Variants in MCTP1 observed in about 807,000 individuals in gnomAD.
MCTP1 encodes the protein multiple C2 and transmembrane domain containing 1.
A neutral mutation model predicts 120.6 loss-of-function variants in MCTP1; 69 were observed. The observed-to-expected ratio is 0.57, with a 90% CI of 0.47 to 0.70. The LOEUF (loss-of-function observed/expected upper bound fraction) is 0.70. Among genes scored for constraint, MCTP1 ranks in the 30% least tolerant of loss-of-function variants. The pLI, the probability that MCTP1 is intolerant of heterozygous loss-of-function variation, is 0.00. For synonymous variants in MCTP1, 529 were observed against 493.1 expected (o/e 1.07, Z -0.96); for missense variants, 1,203 against 1,248.8 (o/e 0.96, Z 0.55).
At chr5:94,914,465 A>G (rs1425409709) in intron 8 of MCTP1, among the ~76,000 whole-genome samples, 1 of 152,268 alleles carries the variant, frequency 6.6e-6, no homozygotes, top group African/African-American at 2.4e-5. Context: ...TAGGAAAATG[A>G]AAACTACATT....
intron 1 of MCTP1, among the ~76,000 whole-genome samples, chr5:95,040,460 AAG>A (rs1364302157): frequency 1.3e-5 from 2 of 151,988 alleles, no homozygotes; most frequent in African/African-American, 4.8e-5. Flanking sequence ...AAAAAAAAGA[AAG>A]AAATTTTAAA....
chr5:94,781,132 A>ATT (rs35398709), intron 18 of MCTP1, among the ~76,000 whole-genome samples: 15 of 147,306 alleles, frequency 1.0e-4, no homozygotes, highest in African/African-American at 3.5e-4. Context: ...TAAATGAAGT[A>ATT]TTTTTTTTTT....
chr5:95,152,350 C>A (rs1420580351), intron 1 of MCTP1, among the ~76,000 whole-genome samples: 1 of 152,214 alleles, frequency 6.6e-6, no homozygotes, highest in Non-Finnish European at 1.5e-5. Context: ...GCACGTCAGA[C>A]TGAAATTCAA....
chr5:95,158,234 A>G (rs34637857), intron 1 of MCTP1, among the ~76,000 whole-genome samples: 19,395 of 152,202 alleles, frequency 0.13, 1,580 homozygotes, highest in Non-Finnish European at 0.19. Context: ...AACACATTCC[A>G]CTGGCATTTT....
chr5:94,827,859 A>G (rs919043755), intron 17 of MCTP1, among the ~76,000 whole-genome samples: 1 of 151,770 alleles, frequency 6.6e-6, no homozygotes, highest in African/African-American at 2.4e-5. Context: ...CTAGTTAGCA[A>G]TTCCTCTAAC....
In MCTP1 at chr5:95,163,105, T is replaced by G. The variant is rs551698141; in HGVS notation, c.720+120751A>C. Among the ~76,000 whole-genome samples, 11 of 152,322 alleles carry G rather than the reference T, an allele frequency of 7.2e-5. No homozygotes were observed. In the East Asian group the frequency reaches 9.6e-4, roughly 13 times the overall value. ...ATGAATTTATCCAAAATACATGCTTTTGATTATTAACATACCCAAACTATC... is the reference window on the plus strand; with the variant it reads ...ATGAATTTATCCAAAATACATGCTTGTGATTATTAACATACCCAAACTATC... On this transcript the variant is annotated intron_variant, in intron 1 of 22. Transcript: ENST00000515393.
intron 19 of MCTP1, among the ~76,000 whole-genome samples, chr5:94,722,201 C>T (rs1311766437): frequency 6.6e-6 from 1 of 152,288 alleles, no homozygotes; most frequent in African/African-American, 2.4e-5. Flanking sequence ...CTTACATATT[C>T]GAAGAATCCT....
intron 7 of MCTP1, among the ~76,000 whole-genome samples, chr5:94,923,134 A>G (rs1405504879): frequency 6.6e-6 from 1 of 152,168 alleles, no homozygotes; most frequent in Non-Finnish European, 1.5e-5. Context: ...CACTACAACA[A>G]ATATTAAAAT....
chr5:94,895,866 A>T (rs959657572), intron 10 of MCTP1, among the ~76,000 whole-genome samples: 4 of 152,192 alleles, frequency 2.6e-5, no homozygotes, highest in Non-Finnish European at 4.4e-5. Flanking sequence ...GATGTCTGGG[A>T]CTAGACACGA....
At chr5:94,800,938 A>T (rs1200003697) in intron 17 of MCTP1, among the ~76,000 whole-genome samples, 2 of 151,866 alleles carry the variant, frequency 1.3e-5, no homozygotes, top group Non-Finnish European at 2.9e-5. Flanking sequence ...CCAGAAAAAG[A>T]AAAATATTTT....
At chr5:94,768,782 G>T (rs1381067947) in intron 19 of MCTP1, among the ~76,000 whole-genome samples, 2 of 152,154 alleles carry the variant, frequency 1.3e-5, no homozygotes, top group Non-Finnish European at 2.9e-5. Context: ...GTGCATAATT[G>T]GTGGGAATGT....
intron 2 of MCTP1, among the ~76,000 whole-genome samples, chr5:94,955,404 C>T (rs1257020675): frequency 6.6e-6 from 1 of 152,158 alleles, no homozygotes; most frequent in Non-Finnish European, 1.5e-5. Context: ...ACCTGGAATG[C>T]CAGTGAAACA....
chr5:95,047,372 A>T (rs901235929), intron 1 of MCTP1, among the ~76,000 whole-genome samples: 1 of 152,070 alleles, frequency 6.6e-6, no homozygotes, highest in Non-Finnish European at 1.5e-5. Context: ...AATGTTTCTC[A>T]TGGCCAATTT....
intron 1 of MCTP1, chr5:95,038,196 T>C (rs150838089): frequency 2.7e-6 from 2 of 742,266 alleles, no homozygotes; most frequent in East Asian, 2.6e-4. Flanking sequence ...AACTAAAACA[T>C]GAACATGGAA....
At chr5:95,021,765 T>C (rs1174426504) in intron 1 of MCTP1, among the ~76,000 whole-genome samples, 2 of 152,222 alleles carry the variant, frequency 1.3e-5, no homozygotes, top group East Asian at 3.9e-4. Flanking sequence ...ACTTCAATTA[T>C]TTATTTTTAA....
intron 3 of MCTP1, among the ~76,000 whole-genome samples, chr5:94,947,571 TATATATAGAGAGAGAGAGAG>T (rs1454287925): frequency 2.8e-4 from 14 of 50,160 alleles, no homozygotes; most frequent in Middle Eastern, 8.8e-3. Context: ...TATATATATA[TATATATAGAGAGAGAGAGAG>T]AGAGAGAGAG....
chr5:95,205,750 A>C (rs1751551612), intron 1 of MCTP1, among the ~76,000 whole-genome samples: 3 of 152,204 alleles, frequency 2.0e-5, no homozygotes, highest in African/African-American at 7.2e-5. Context: ...TCTCCAAAGA[A>C]GATAAACACA....
intron 7 of MCTP1, 63 bp downstream of exon 7, chr5:94,923,899 C>A: frequency 1.0e-6 from 1 of 999,426 alleles, no homozygotes; most frequent in Non-Finnish European, 1.5e-6. Context: ...TGCCATGTAA[C>A]TTTCAAAATT....
At chr5:94,930,088 T>C (rs895446758) in intron 6 of MCTP1, among the ~76,000 whole-genome samples, 38 of 152,014 alleles carry the variant, frequency 2.5e-4, no homozygotes, top group African/African-American at 8.7e-4. Context: ...ATAAATGGAT[T>C]GCTAATAATA....
Sources: allele counts gnomAD v4.1 joint callset (sites outside exome capture counted in the v4.1 genomes callset), GRCh38; gene constraint gnomAD v4.1.1; transcripts MANE v1.5; gene names NCBI Gene and HGNC (gene_info 2026-07-23, HGNC 2026-07-21).